Variants in DIAPH3 observed in about 807,000 individuals in gnomAD.
DIAPH3 encodes diaphanous related formin 3.
Under a neutral mutation model 144.3 loss-of-function variants are expected in DIAPH3, and 117 were observed. The ratio of observed to expected loss-of-function variants is 0.81; its 90% CI spans 0.70 to 0.95. The LOEUF (loss-of-function observed/expected upper bound fraction) is 0.95. Among genes scored for constraint, DIAPH3 ranks in the 40% least tolerant of loss-of-function variants. DIAPH3 has a pLI of 0.00. For missense variants in DIAPH3, 1,421 were observed against 1,412.7 expected (o/e 1.01, Z -0.09); for synonymous variants, 519 against 488.9 (o/e 1.06, Z -0.81).
At chr13:59,935,246 C>T (rs1484106298) in intron 17 of DIAPH3, among the ~76,000 whole-genome samples, 1 of 152,146 alleles carries the variant, frequency 6.6e-6, no homozygotes, top group African/African-American at 2.4e-5. Flanking sequence ...ATTTTAGTAT[C>T]TGTTGGGTTC....
At chr13:60,031,793 G>C (rs1018081109) in intron 5 of DIAPH3, among the ~76,000 whole-genome samples, 17 of 127,626 alleles carry the variant, frequency 1.3e-4, no homozygotes, top group Admixed American at 1.3e-3. Context: ...CACCAGGCTG[G>C]AGTGCAGTGG....
At chr13:59,708,702 A>G (rs2034562109) in intron 27 of DIAPH3, among the ~76,000 whole-genome samples, 1 of 152,078 alleles carries the variant, frequency 6.6e-6, no homozygotes, top group African/African-American at 2.4e-5. Context: ...TTTCAAAGCA[A>G]TCTACTCCAG....
chr13:59,784,579 G>A (rs1055597550), intron 25 of DIAPH3, among the ~76,000 whole-genome samples: 2 of 150,766 alleles, frequency 1.3e-5, no homozygotes, highest in East Asian at 2.0e-4. Flanking sequence ...GTTTCACCAC[G>A]TTGCCCAGGC....
chr13:60,035,057 G>A (rs1019027966), intron 5 of DIAPH3, among the ~76,000 whole-genome samples: 18 of 151,854 alleles, frequency 1.2e-4, no homozygotes, highest in Non-Finnish European at 2.1e-4. Context: ...CCATATATAT[G>A]TATATACGCC....
chr13:59,949,110 G>C (rs918389891), intron 17 of DIAPH3, among the ~76,000 whole-genome samples: 1 of 152,114 alleles, frequency 6.6e-6, no homozygotes, highest in African/African-American at 2.4e-5. Context: ...TTTCTTTATA[G>C]GGTTAAAACA....
intron 1 of DIAPH3, among the ~76,000 whole-genome samples, chr13:60,137,906 T>C (rs2059331643): frequency 6.6e-6 from 1 of 152,046 alleles, no homozygotes; most frequent in African/African-American, 2.4e-5. Flanking sequence ...GTATTTTTAG[T>C]GGAGACAGGG....
intron 25 of DIAPH3, among the ~76,000 whole-genome samples, chr13:59,783,525 A>G (rs2038861527): frequency 6.6e-6 from 1 of 152,210 alleles, no homozygotes. Flanking sequence ...AATACATTCA[A>G]CTTAGAAGCA....
At chr13:59,804,907 A>G (rs950647908) in intron 25 of DIAPH3, among the ~76,000 whole-genome samples, 1 of 152,174 alleles carries the variant, frequency 6.6e-6, no homozygotes, top group African/African-American at 2.4e-5. Context: ...TGGCAGAGAC[A>G]TTCCGAAGTA....
At chr13:59,839,474 G>A (rs754351019) in intron 22 of DIAPH3, 26 bp from the exon 23 acceptor site, 52 of 1,606,432 alleles carry the variant, frequency 3.2e-5, no homozygotes, top group South Asian at 6.6e-5. Context: ...TTAAATGCCC[G>A]GAAAGGACAA....
At chr13:59,802,673 T>TTTTTTTA (rs1566331959) in intron 25 of DIAPH3, among the ~76,000 whole-genome samples, 3 of 50,364 alleles carry the variant, frequency 6.0e-5, no homozygotes, top group Non-Finnish European at 1.3e-4. Flanking sequence ...TATTATTTTT[T>TTTTTTTA]TTTTTTTTTT....
intron 24 of DIAPH3, among the ~76,000 whole-genome samples, chr13:59,811,715 C>T (rs1232477678): frequency 2.5e-4 from 32 of 126,760 alleles, no homozygotes; most frequent in Admixed American, 3.9e-4. Flanking sequence ...CCAGCCTGGG[C>T]GACAGAGCAA....
At chr13:60,134,281 T>C (rs1325385756) in intron 1 of DIAPH3, among the ~76,000 whole-genome samples, 9 of 152,220 alleles carry the variant, frequency 5.9e-5, no homozygotes, top group Admixed American at 1.3e-4. Flanking sequence ...GAAGTAATAA[T>C]AGTGGATTAA....
rs762540302 is a variant in DIAPH3, at chr13:59,774,259, A to T, written c.3260-11T>A. ...GACTCTGCCGAACATCTGTTAAAAA[A>T]AAAAATAAAATAAACTTAATATAGA... On this transcript the variant is annotated splice_polypyrimidine_tract_variant and intron_variant, in intron 26 of 27. Transcript: ENST00000400324. 1.9e-6 allele frequency: 3 copies of T among 1,608,672 alleles called. No homozygotes were observed. Among genetic ancestry groups the T allele is most frequent in the Admixed American group, 1.7e-5 (1 of 59,858 alleles).
In DIAPH3 at chr13:60,009,703, T is replaced by A. The variant is rs560204445; in HGVS notation, c.908+830A>T. ...ACTGCCAGGCTGAGGCCGAGTGGTG[T>A]CTTTGACTATCCAACCATCAAGCCG... On this transcript the variant is annotated intron_variant, in intron 8 of 27. Transcript: ENST00000400324. 4.6e-5 allele frequency among the ~76,000 whole-genome samples: 7 copies of A among 152,152 alleles called. No homozygotes were observed. In the South Asian group the frequency reaches 1.5e-3, roughly 32 times the overall value.
chr13:59,790,160 C>T (rs931837224), intron 25 of DIAPH3, among the ~76,000 whole-genome samples: 2 of 152,078 alleles, frequency 1.3e-5, no homozygotes, highest in Non-Finnish European at 2.9e-5. Context: ...ACCTGTATGA[C>T]GAATGTTACA....
At chr13:59,900,294 T>A (rs548534727) in intron 20 of DIAPH3, among the ~76,000 whole-genome samples, 13 of 152,324 alleles carry the variant, frequency 8.5e-5, no homozygotes, top group Middle Eastern at 3.4e-3. Flanking sequence ...TATTAGAGAT[T>A]ATTCCATTTT....
At chr13:60,097,005 T>A (rs1202062641) in intron 3 of DIAPH3, among the ~76,000 whole-genome samples, 1 of 152,166 alleles carries the variant, frequency 6.6e-6, no homozygotes, top group Non-Finnish European at 1.5e-5. Flanking sequence ...CAGGCAGGCA[T>A]CCTATTGGTT....
intron 27 of DIAPH3, among the ~76,000 whole-genome samples, chr13:59,756,724 T>C (rs2037299057): frequency 1.3e-5 from 2 of 152,166 alleles, no homozygotes; most frequent in South Asian, 2.1e-4. Flanking sequence ...TGTGAACCCA[T>C]CTGAGGTTCC....
intron 27 of DIAPH3, among the ~76,000 whole-genome samples, chr13:59,668,521 G>A (rs928090335): frequency 2.6e-5 from 4 of 152,158 alleles, no homozygotes; most frequent in South Asian, 2.1e-4. Context: ...GTGTGTGTGC[G>A]TGTGTGCGCG....
Sources: gnomAD v4.1 joint callset for allele counts (sites outside exome capture counted in the v4.1 genomes callset) on GRCh38, gnomAD v4.1.1 for gene constraint, MANE v1.5 for transcripts, NCBI Gene and HGNC (gene_info 2026-07-23, HGNC 2026-07-21) for gene names.